PTPRD: variants seen among roughly 807,000 people sequenced by gnomAD.
PTPRD encodes receptor-type tyrosine-protein phosphatase delta.
In PTPRD, 34 loss-of-function variants were observed where a neutral mutation model predicts 214.5. The ratio of observed to expected loss-of-function variants is 0.16; its 90% confidence interval spans 0.12 to 0.21. PTPRD has a LOEUF of 0.21. Among genes scored for constraint, PTPRD ranks in the 10% least tolerant of loss-of-function variants. The pLI is 1.00. For synonymous variants in PTPRD, 1,128 were observed against 845.7 expected (o/e 1.33, Z -5.79); for missense variants, 2,545 against 2,398.7 (o/e 1.06, Z -1.27).
chr9:9,792,969 C>T (rs1299404078), intron 5 of PTPRD, among the ~76,000 whole-genome samples: 1 of 151,984 alleles, frequency 6.6e-6, no homozygotes, highest in East Asian at 1.9e-4. Context: ...TTTGAATAAT[C>T]AACACCTCTG....
chr9:10,586,436 G>A (rs928686820), intron 2 of PTPRD, among the ~76,000 whole-genome samples: 4 of 151,916 alleles, frequency 2.6e-5, no homozygotes, highest in Non-Finnish European at 5.9e-5. Flanking sequence ...TCATGAGAAC[G>A]AAAATATTCA....
intron 9 of PTPRD, among the ~76,000 whole-genome samples, chr9:9,360,123 T>G (rs1485014105): frequency 6.6e-6 from 1 of 151,240 alleles, no homozygotes; most frequent in Non-Finnish European, 1.5e-5. Flanking sequence ...AAGTACAATG[T>G]GTTTAGATTT....
intron 4 of PTPRD, among the ~76,000 whole-genome samples, chr9:10,003,331 A>G (rs980861707): frequency 6.6e-6 from 1 of 151,868 alleles, no homozygotes. Context: ...TCATAAATAG[A>G]TGATGCAGGA....
intron 11 of PTPRD, among the ~76,000 whole-genome samples, chr9:8,742,874 T>C (rs2092243149): frequency 6.6e-6 from 1 of 152,182 alleles, no homozygotes; most frequent in Non-Finnish European, 1.5e-5. Flanking sequence ...AAAGTGACTT[T>C]GCCCTCTCCC....
At chr9:9,925,276 G>A (rs538684371) in intron 5 of PTPRD, among the ~76,000 whole-genome samples, 1 of 151,960 alleles carries the variant, frequency 6.6e-6, no homozygotes, top group Non-Finnish European at 1.5e-5. Context: ...GGATAAAATT[G>A]TTGCCTTACT....
At chr9:10,476,888 G>T (rs905860431) in intron 2 of PTPRD, among the ~76,000 whole-genome samples, 1 of 152,086 alleles carries the variant, frequency 6.6e-6, no homozygotes, top group South Asian at 2.1e-4. Context: ...AATAGGTAAA[G>T]AATTCCTTAT....
chr9:10,436,258 ATATG>A (rs756351110), intron 2 of PTPRD, among the ~76,000 whole-genome samples: 1 of 151,858 alleles, frequency 6.6e-6, no homozygotes, highest in Non-Finnish European at 1.5e-5. Flanking sequence ...GTATGAATAT[ATATG>A]TATATGTATA....
intron 3 of PTPRD, among the ~76,000 whole-genome samples, chr9:10,039,138 T>C (rs1445316408): frequency 2.0e-5 from 3 of 152,136 alleles, no homozygotes; most frequent in African/African-American, 4.8e-5. Context: ...CAATTTCCTA[T>C]AGAATTAAAT....
chr9:9,562,101 G>C (rs1030792364), intron 8 of PTPRD, among the ~76,000 whole-genome samples: 2 of 152,020 alleles, frequency 1.3e-5, no homozygotes, highest in African/African-American at 4.8e-5. Flanking sequence ...CTGATTTTCT[G>C]TGTCCCCCAT....
intron 4 of PTPRD, among the ~76,000 whole-genome samples, chr9:9,986,817 G>T (rs957442930): frequency 6.6e-6 from 1 of 152,190 alleles, no homozygotes; most frequent in African/African-American, 2.4e-5. Flanking sequence ...AGATGAACAA[G>T]TTCTGAGATC....
chr9:8,343,568 G>C (rs1588172241), intron 39 of PTPRD, among the ~76,000 whole-genome samples: 2 of 151,974 alleles, frequency 1.3e-5, no homozygotes, highest in East Asian at 3.9e-4. Context: ...TAGATGGCGA[G>C]TTTTCCCTGA....
chr9:10,450,728 C>T (rs78919611), intron 2 of PTPRD, among the ~76,000 whole-genome samples: 1,845 of 152,082 alleles, frequency 0.012, 69 homozygotes, highest in African/African-American at 0.04. Context: ...AACCATCCTG[C>T]TGGCCTTTGT....
intron 2 of PTPRD, among the ~76,000 whole-genome samples, chr9:10,387,261 G>C (rs1342641101): frequency 6.6e-6 from 1 of 151,566 alleles, no homozygotes; most frequent in Admixed American, 6.6e-5. Flanking sequence ...TTAACAATTT[G>C]TACAGTCTCC....
chr9:9,010,772 T>C lies in PTPRD; in HGVS notation c.-104+7925A>G, dbSNP rs115462938. On this transcript the variant is annotated intron_variant, in intron 11 of 45. Transcript: ENST00000381196. ...TTAAGCTCTCCTCTATTAAGAACAC[T>C]CTTTTTGAGTGTGCCATCAGTTGCT... is the stretch of plus-strand genomic sequence containing the variant. Among the ~76,000 whole-genome samples, 437 of 152,214 alleles carry C rather than the reference T, an allele frequency of 2.9e-3. 6 individuals carry two copies. The highest frequency in any genetic ancestry group is 1.0e-2 in the African/African-American group (415 of 41,538).
chr9:8,467,159 T>A (rs1477548768), intron 31 of PTPRD, among the ~76,000 whole-genome samples: 1 of 151,930 alleles, frequency 6.6e-6, no homozygotes, highest in African/African-American at 2.4e-5. Context: ...TTTAAGTTTA[T>A]TGATGCAATT....
At chr9:8,797,738 T>C (rs1314416609) in intron 11 of PTPRD, among the ~76,000 whole-genome samples, 1 of 152,220 alleles carries the variant, frequency 6.6e-6, no homozygotes, top group Non-Finnish European at 1.5e-5. Context: ...TTAAAGATAT[T>C]TGCATATTTG....
chr9:8,567,263 G>A (rs1013140709), intron 14 of PTPRD, among the ~76,000 whole-genome samples: 4 of 152,054 alleles, frequency 2.6e-5, no homozygotes, highest in Admixed American at 2.0e-4. Flanking sequence ...TCACTCTATT[G>A]CTTCTGCCTC....
At chr9:9,749,112 A>G (rs1352491184) in intron 6 of PTPRD, among the ~76,000 whole-genome samples, 1 of 152,048 alleles carries the variant, frequency 6.6e-6, no homozygotes, top group Non-Finnish European at 1.5e-5. Flanking sequence ...CTCTGATTCT[A>G]AAGTTTGGCA....
intron 3 of PTPRD, among the ~76,000 whole-genome samples, chr9:10,068,887 G>A (rs1482728214): frequency 2.0e-5 from 3 of 151,888 alleles, no homozygotes. Flanking sequence ...TATCCATAAA[G>A]AATAAGCAAT....
Sources: gnomAD v4.1 joint callset for allele counts (sites outside exome capture counted in the v4.1 genomes callset) on GRCh38, gnomAD v4.1.1 for gene constraint, MANE v1.5 for transcripts, NCBI Gene and HGNC (gene_info 2026-07-23, HGNC 2026-07-21) for gene names.